PPA1: variants seen among roughly 807,000 people sequenced by gnomAD.
The protein encoded by PPA1 is inorganic pyrophosphatase 1.
In PPA1, 23 loss-of-function variants were observed where a neutral mutation model predicts 41.8. That is an observed-to-expected ratio of 0.55 (90% CI 0.40 to 0.78). The LOEUF (loss-of-function observed/expected upper bound fraction) is 0.78, where lower values mean the gene tolerates loss of function less well. Among genes scored for constraint, PPA1 ranks in the 30% least tolerant of loss-of-function variants. The pLI, the probability that PPA1 is intolerant of heterozygous loss-of-function variation, is 0.00. For missense variants in PPA1, 320 were observed against 361.6 expected, an observed-to-expected ratio of 0.89 and a Z score of 0.93; for synonymous variants, 101 against 116.8, an observed-to-expected ratio of 0.86 and a Z score of 0.87.
At chr10:70,214,994 A>G (rs9415956) in intron 4 of PPA1, among the ~76,000 whole-genome samples, 110,861 of 152,022 alleles carry the variant, frequency 0.73, 41,028 homozygotes, top group Non-Finnish European at 0.79. Flanking sequence ...CAGGAGTTTG[A>G]GACCAGCCTA....
At chr10:70,222,728 A>G (rs1840189048) in intron 2 of PPA1, among the ~76,000 whole-genome samples, 1 of 152,088 alleles carries the variant, frequency 6.6e-6, no homozygotes, top group South Asian at 2.1e-4. Flanking sequence ...CACAAAGTGC[A>G]GGTTTGTTAC....
intron 10 of PPA1, 74 bp from the exon 11 acceptor site, chr10:70,203,260 A>G: frequency 7.9e-7 from 1 of 1,265,904 alleles, no homozygotes; most frequent in Admixed American, 1.9e-5. Flanking sequence ...TATAACAAAG[A>G]CTAATATACT....
chr10:70,211,259 G>A (rs1296841183), intron 6 of PPA1, among the ~76,000 whole-genome samples: 1 of 152,134 alleles, frequency 6.6e-6, no homozygotes, highest in Admixed American at 6.6e-5. Context: ...ACATGCAAAT[G>A]TTGATGTTTT....
intron 2 of PPA1, among the ~76,000 whole-genome samples, chr10:70,221,076 A>ATATTTTTTTTTTTTT: frequency 2.5e-5 from 1 of 40,028 alleles, no homozygotes; most frequent in Non-Finnish European, 3.6e-5. Flanking sequence ...ATATATATAT[A>ATATTTTTTTTTTTTT]TTTTTTTTTT....
Position 70,233,350 on chromosome 10 carries a change from C to T in PPA1, c.-23G>A, listed in dbSNP as rs116294162. 2.9e-3 allele frequency: 4,485 copies of T among 1,532,434 alleles called. 120 individuals carry two copies. The African/African-American group carries it at 0.056, about 19-fold the overall frequency. The allele number at this position is 1,532,434 out of a possible 1,614,324, so 94.9% of individuals were successfully genotyped here. A position where few individuals can be genotyped will look rare whatever the true frequency, so the allele number is the denominator to read the frequency against. ...CATAGTGCCGGAGTCCTGCCGCCGCCGCTGCCACAGAGCCACCAGCCCGCA... is the reference window on the plus strand; with the variant it reads ...CATAGTGCCGGAGTCCTGCCGCCGCTGCTGCCACAGAGCCACCAGCCCGCA... On this transcript the variant is annotated 5_prime_UTR_variant, in exon 1 of 11. Coordinates refer to ENST00000373232, the MANE Select transcript of PPA1 (RefSeq NM_021129.4).
chr10:70,216,449 C>T (rs868808609), intron 4 of PPA1, among the ~76,000 whole-genome samples: 1 of 151,092 alleles, frequency 6.6e-6, no homozygotes, highest in South Asian at 2.1e-4. Context: ...ACTGCGCCAC[C>T]GCACTCCAGC....
At chr10:70,212,107 G>A (rs955108291) in intron 6 of PPA1, among the ~76,000 whole-genome samples, 115 of 152,266 alleles carry the variant, frequency 7.6e-4, no homozygotes, top group African/African-American at 2.6e-3. Context: ...GTACTCTTTG[G>A]AAGGAAGTCA....
intron 6 of PPA1, chr10:70,210,097 TC>T: frequency 3.3e-6 from 1 of 300,806 alleles, no homozygotes; most frequent in Non-Finnish European, 6.4e-6. Context: ...TTTTTTTTTT[TC>T]AGAGACAAGG....
chr10:70,209,616 T>C lies in PPA1; in HGVS notation c.581A>G (p.Lys194Arg). ...ATTTTCTGGTTTTCCATCAGGAACC[T>C]TATACCTTCTAAACCAGTCCACAGT... ...EATVDWFRRY[K>R]VPDGKPENEF... The change falls in exon 7 of 11, where the codon AAG becomes AGG. Residue 194 changes from lysine to arginine, a missense_variant. Coordinates refer to ENST00000373232, the MANE Select transcript of PPA1 (RefSeq NM_021129.4). 6.2e-7 allele frequency: 1 copy of C among 1,608,264 alleles called. No homozygotes were observed.
rs975171655 is a variant in PPA1, at chr10:70,218,812, C to T, written c.129G>A (p.Val43=). 9 of 1,611,602 alleles carry T rather than the reference C, an allele frequency of 5.6e-6. No individual in the cohort carries two copies. The highest frequency in any genetic ancestry group is 7.6e-6 in the Non-Finnish European group (9 of 1,178,104). ...GTGGTACTTCAACTACCATGTGAAA[C>T]ACATCCTGAAAAAACAAAGAGAAAG... ...HDIPIYADKD[V]FHMVVEVPRW... Residue 43 remains valine, a synonymous_variant, in exon 3 of 11, where the codon GTG becomes GTA. Transcript: ENST00000373232.
In PPA1 at chr10:70,211,819, G is replaced by T. The variant is rs868017138; in HGVS notation, c.511+1644C>A. On this transcript the variant is annotated intron_variant, in intron 6 of 10. Transcript: ENST00000373232. ...AGAAGCACGTTGGAAATGCACACAC[G>T]GACCAACAGAACAGAGCCGTACTAC... is the stretch of plus-strand genomic sequence containing the variant. Among the ~76,000 whole-genome samples, 3 of 152,164 alleles carry T rather than the reference G, an allele frequency of 2.0e-5. No individual in the cohort carries two copies. In the East Asian group the frequency reaches 5.8e-4, roughly 29 times the overall value.
At position 70,203,192 on chromosome 10, in the gene PPA1, T is replaced by G. The variant is rs371135754; in HGVS notation, c.839-6A>C. 23 of 1,605,528 alleles carry G rather than the reference T, an allele frequency of 1.4e-5. No homozygotes were observed. The highest frequency in any genetic ancestry group is 4.0e-5 in the African/African-American group (3 of 74,668). ...GTGATGGAACCACTTATCCACTGTA[T>G]TCAGAGAAAAGAAAAACAAATTAGA... On this transcript the variant is annotated splice_polypyrimidine_tract_variant and splice_region_variant and intron_variant, in intron 10 of 10. Transcript: ENST00000373232.
intron 2 of PPA1, among the ~76,000 whole-genome samples, chr10:70,221,023 A>G (rs1490959527): frequency 2.8e-5 from 2 of 72,106 alleles, no homozygotes; most frequent in Non-Finnish European, 4.7e-5. Context: ...TAATTTATAT[A>G]TATAATATAT....
chr10:70,220,981 T>TATATATATAATTTATATATATAAC (rs1564584486), intron 2 of PPA1, among the ~76,000 whole-genome samples: 1 of 42,794 alleles, frequency 2.3e-5, no homozygotes, highest in Non-Finnish European at 4.0e-5. Context: ...ATATATATAC[T>TATATATATAATTTATATATATAAC]ATATATATAA....
intron 2 of PPA1, among the ~76,000 whole-genome samples, chr10:70,220,415 G>A (rs1035436562): frequency 1.5e-5 from 2 of 137,590 alleles, no homozygotes; most frequent in Admixed American, 1.7e-4. Flanking sequence ...ACCACATCCA[G>A]CTAATTGTGT....
At position 70,209,650 on chromosome 10, in the gene PPA1, A is replaced by G; in HGVS notation, c.547T>C (p.Leu183=). 6.2e-7 allele frequency: 1 copy of G among 1,605,190 alleles called. No individual in the cohort carries two copies. Among genetic ancestry groups the G allele is most frequent in the African/African-American group, 1.3e-5 (1 of 74,734 alleles). The part of the protein sequence containing the change: ...NDVKRLKPGY[L]EATVDWFRRY... The stretch of plus-strand genomic sequence containing the variant: ...CTAAACCAGTCCACAGTAGCTTCTA[A>G]GTAGCCAGGTTTCAGCCGTTTGACA... Residue 183 remains leucine, a synonymous_variant, in exon 7 of 11, where the codon TTA becomes CTA. Coordinates refer to ENST00000373232, the MANE Select transcript of PPA1 (RefSeq NM_021129.4).
At chr10:70,221,034 A>T (rs1481544709) in intron 2 of PPA1, among the ~76,000 whole-genome samples, 10 of 73,058 alleles carry the variant, frequency 1.4e-4, no homozygotes, top group African/African-American at 7.3e-4. Flanking sequence ...TATAATATAT[A>T]TATAAATTAT....
Position 70,233,148 on chromosome 10 carries a change from G to C in PPA1, c.64+116C>G, listed in dbSNP as rs934664565. 22 of 1,186,786 alleles carry C rather than the reference G, an allele frequency of 1.9e-5. No individual in the cohort carries two copies. In the South Asian group the frequency reaches 3.2e-4, roughly 17 times the overall value. The allele number at this position is 1,186,786 out of a possible 1,614,324, so 73.5% of individuals were successfully genotyped here. On this transcript the variant is annotated intron_variant, in intron 1 of 10. Transcript: ENST00000373232. Reference sequence around the variant, plus strand: ...CCAGGCCCCACAACGCGCCCGAGGAGACGGGCCCGCGTCGGAGACCTGGGG... The same window carrying C: ...CCAGGCCCCACAACGCGCCCGAGGACACGGGCCCGCGTCGGAGACCTGGGG...
At chr10:70,223,398 T>C (rs373025461) in intron 2 of PPA1, among the ~76,000 whole-genome samples, 2 of 152,016 alleles carry the variant, frequency 1.3e-5, no homozygotes, top group South Asian at 4.1e-4. Flanking sequence ...TTTAATTATG[T>C]TTTTGGAGAT....
Sources: allele counts gnomAD v4.1 joint callset (sites outside exome capture counted in the v4.1 genomes callset), GRCh38; gene constraint gnomAD v4.1.1; transcripts MANE v1.5; gene names NCBI Gene and HGNC (gene_info 2026-07-23, HGNC 2026-07-21).